The following SLC6A15 variants were observed in gnomAD, a reference collection of about 807,000 sequenced individuals.
The protein encoded by SLC6A15 is solute carrier family 6 member 15, also known as sodium-dependent neutral amino acid transporter B(0)AT2.
A neutral mutation model predicts 68.5 loss-of-function variants in SLC6A15; 33 were observed. The observed-to-expected ratio is 0.48, with a 90% CI of 0.37 to 0.64. SLC6A15 has a LOEUF of 0.64. Ranked by LOEUF, SLC6A15 falls within the 30% of genes least tolerant of loss-of-function variation. SLC6A15 has a pLI of 0.00. For missense variants in SLC6A15, 747 were observed against 874.3 expected (o/e 0.85, Z 1.84); for synonymous variants, 347 against 301.0 (o/e 1.15, Z -1.58).
chr12:84,890,488 T>C lies in SLC6A15; in HGVS notation c.289+1344A>G, dbSNP rs1414875978. On this transcript the variant is annotated intron_variant, in intron 2 of 11. Coordinates refer to ENST00000266682, the MANE Select transcript of SLC6A15 (RefSeq NM_182767.6). ...AAACAAAAAGCAGGATAGTACATAG[T>C]TGCTTACAGCTGATTTAATAAATAA... Among the ~76,000 whole-genome samples, 2 of 152,334 alleles carry C rather than the reference T, an allele frequency of 1.3e-5. 1 individual carries two copies. The highest frequency in any genetic ancestry group is 4.1e-4 in the South Asian group (2 of 4,824).
chr12:84,872,933 T>A, intron 7 of SLC6A15, 139 bp from the exon 8 acceptor site: 2 of 1,206,678 alleles, frequency 1.7e-6, no homozygotes, highest in Non-Finnish European at 2.3e-6. Context: ...GTGATGACTA[T>A]CCCATTTACC....
At position 84,891,991 on chromosome 12, in the gene SLC6A15, G is replaced by A; in HGVS notation, c.130C>T (p.Gln44Ter). ...TCAACATCTGTATCTTTCTCTTCCT[G>A]GCCATCAACAATTAGTTCACTTGTC... is the stretch of plus-strand genomic sequence containing the variant. ...FKTSELIVDGQEEKDTDVEEG... is the reference protein window; with the variant it reads ...FKTSELIVDG Residue 44 changes from glutamine (Q) to a stop codon, truncating the protein, a stop_gained, in exon 2 of 12, where the codon CAG becomes TAG. Transcript: ENST00000266682. LOFTEE classifies it high-confidence loss of function. 1 of 1,613,858 alleles carries A rather than the reference G, an allele frequency of 6.2e-7. No individual in the cohort carries two copies. Among genetic ancestry groups the A allele is most frequent in the Non-Finnish European group, 8.5e-7 (1 of 1,179,958 alleles).
At chr12:84,866,933 C>T (rs930334708) in intron 10 of SLC6A15, 101 bp downstream of exon 10, 3 of 1,044,816 alleles carry the variant, frequency 2.9e-6, no homozygotes, top group Non-Finnish European at 4.0e-6. Context: ...AGAATTGTTC[C>T]CTCTATTCAT....
At chr12:84,910,126 T>C (rs933677995) in intron 1 of SLC6A15, among the ~76,000 whole-genome samples, 1 of 152,182 alleles carries the variant, frequency 6.6e-6, no homozygotes, top group South Asian at 2.1e-4. Context: ...CCTAGAAACA[T>C]ATAAAAATAA....
At position 84,892,074 on chromosome 12, in the gene SLC6A15, ACAT is replaced by A. The variant is rs1872425895; in HGVS notation, c.44_46del (p.Asp15del). 5 of 1,613,898 alleles carry A rather than the reference ACAT, an allele frequency of 3.1e-6. No individual in the cohort carries two copies. Among genetic ancestry groups the A allele is most frequent in the Non-Finnish European group, 4.2e-6 (5 of 1,179,944 alleles). On this transcript the variant is annotated inframe_deletion, in exon 2 of 12. Transcript: ENST00000266682. ...AAGAAGGTCTTTGACAGACTCAGTA[ACAT>A]CATCATCTAATTCTCTTTTTACCAC...
intron 5 of SLC6A15, chr12:84,883,462 AATG>A (rs1871925043): frequency 8.6e-7 from 1 of 1,162,774 alleles, no homozygotes. Context: ...GAGAGAAACA[AATG>A]ATATCAAACA....
At position 84,861,890 on chromosome 12, in the gene SLC6A15, T is replaced by C; in HGVS notation, c.1935A>G (p.Ile645Met). ...ATGCTAAATTACCAGAACTATCATC[T>C]ATAAGGTTGAAGCGACGAACAATGA... ...VVFIVRRFNL[I>M]DDSSGNLASV... The change falls in exon 12 of 12, where the codon ATA (isoleucine) becomes ATG (methionine). Residue 645 changes from isoleucine (I) to methionine (M), a missense_variant. By Grantham distance (10) the Ile-to-Met change is conservative. Transcript: ENST00000266682. The C allele has an allele frequency of 6.2e-7, 1 of 1,613,960 alleles. No individual in the cohort carries two copies. Among genetic ancestry groups the C allele is most frequent in the Non-Finnish European group, 8.5e-7 (1 of 1,179,916 alleles).
chr12:84,902,595 C>A (rs1192796040), intron 1 of SLC6A15, among the ~76,000 whole-genome samples: 2 of 151,904 alleles, frequency 1.3e-5, no homozygotes, highest in Non-Finnish European at 2.9e-5. Flanking sequence ...TGGAAACTAT[C>A]CAGTATGCGT....
chr12:84,866,377 A>G (rs930843716), intron 10 of SLC6A15, among the ~76,000 whole-genome samples: 7 of 152,194 alleles, frequency 4.6e-5, no homozygotes, highest in African/African-American at 1.7e-4. Flanking sequence ...TGTATTTGAT[A>G]TGAATTTATG....
Position 84,863,494 on chromosome 12 carries a change from C to G in SLC6A15, c.1763G>C (p.Ser588Thr). ...AGGACTTAATCCCATATTCACAACA[C>G]TAGCTATTAGCAATGATAATAGCAT... is the stretch of plus-strand genomic sequence containing the variant. ...PLMLLSLLIA[S>T]VVNMGLSPPG... The change falls in exon 11 of 12, where the codon AGT becomes ACT. Residue 588 changes from serine (S) to threonine (T), a missense_variant. Ser to Thr is a moderately conservative substitution (Grantham distance 58, BLOSUM62 1). Coordinates refer to ENST00000266682, the MANE Select transcript of SLC6A15 (RefSeq NM_182767.6). The G allele has an allele frequency of 6.3e-7, 1 of 1,594,284 alleles. No individual in the cohort carries two copies. Among genetic ancestry groups the G allele is most frequent in the Non-Finnish European group, 8.5e-7 (1 of 1,171,954 alleles).
At chr12:84,882,521 A>G in intron 5 of SLC6A15, 1 of 869,570 alleles carries the variant, frequency 1.1e-6, no homozygotes, top group Non-Finnish European at 1.4e-6. Context: ...AATTAAATAT[A>G]AAGTAACAGG....
intron 1 of SLC6A15, among the ~76,000 whole-genome samples, chr12:84,904,592 T>C (rs765203031): frequency 6.6e-6 from 1 of 152,232 alleles, no homozygotes; most frequent in Non-Finnish European, 1.5e-5. Flanking sequence ...GTAGAGGATA[T>C]GTGGTTTAGG....
At chr12:84,872,461 T>C in intron 8 of SLC6A15, 141 bp downstream of exon 8, 1 of 514,378 alleles carries the variant, frequency 1.9e-6, no homozygotes, top group Non-Finnish European at 3.3e-6. Flanking sequence ...TCTGAAGGAC[T>C]TATAATGCCC....
chr12:84,902,370 G>C (rs7976555), intron 1 of SLC6A15, among the ~76,000 whole-genome samples: 1,993 of 152,008 alleles, frequency 0.013, 44 homozygotes, highest in African/African-American at 0.047. Flanking sequence ...ATATTGGTGA[G>C]GACATGTAGA....
At chr12:84,874,301 G>T (rs1172472102) in intron 6 of SLC6A15, among the ~76,000 whole-genome samples, 2 of 150,270 alleles carry the variant, frequency 1.3e-5, no homozygotes, top group Non-Finnish European at 1.5e-5. Flanking sequence ...AGAATAATAA[G>T]AAGTGTACCA....
chr12:84,876,415 C>T, intron 6 of SLC6A15, 82 bp downstream of exon 6: 1 of 755,110 alleles, frequency 1.3e-6, no homozygotes, highest in South Asian at 2.0e-5. Flanking sequence ...AACAATTATT[C>T]CTTAAATATA....
intron 1 of SLC6A15, among the ~76,000 whole-genome samples, chr12:84,903,617 C>T (rs571262622): frequency 6.6e-6 from 1 of 152,154 alleles, no homozygotes; most frequent in African/African-American, 2.4e-5. Context: ...TTTCTGGTGG[C>T]TGCTGGCATT....
intron 1 of SLC6A15, among the ~76,000 whole-genome samples, chr12:84,901,526 A>G (rs1048809751): frequency 6.6e-6 from 1 of 151,796 alleles, no homozygotes; most frequent in Non-Finnish European, 1.5e-5. Context: ...TATGTTCACT[A>G]AAAAATTAAC....
intron 1 of SLC6A15, among the ~76,000 whole-genome samples, chr12:84,909,754 AG>A (rs1483661370): frequency 1.3e-5 from 2 of 152,176 alleles, no homozygotes; most frequent in Non-Finnish European, 2.9e-5. Context: ...GTGAAAGAAA[AG>A]TTTTTAGGAG....
Sources: allele counts gnomAD v4.1 joint callset (sites outside exome capture counted in the v4.1 genomes callset), GRCh38; gene constraint gnomAD v4.1.1; transcripts MANE v1.5; gene names NCBI Gene and HGNC (gene_info 2026-07-23, HGNC 2026-07-21).